Variants in ARHGAP39 observed in about 807,000 individuals in gnomAD.
ARHGAP39 encodes the protein rho GTPase-activating protein 39.
In ARHGAP39, 44 loss-of-function variants were observed where a neutral mutation model predicts 106.9. The ratio of observed to expected loss-of-function variants is 0.41; its 90% confidence interval spans 0.32 to 0.53. ARHGAP39 has a LOEUF of 0.53. Among genes scored for constraint, ARHGAP39 ranks in the 20% least tolerant of loss-of-function variants. ARHGAP39 has a pLI of 0.21. For missense variants in ARHGAP39, 1,496 were observed against 1,577.3 expected, an observed-to-expected ratio of 0.95 and a Z score of 0.87; for synonymous variants, 768 against 693.2, an observed-to-expected ratio of 1.11 and a Z score of -1.69.
chr8:144,534,008 T>A, intron 8 of ARHGAP39, 121 bp downstream of exon 8: 1 of 1,134,852 alleles, frequency 8.8e-7, no homozygotes. Context: ...CTAGGCGGGC[T>A]CCATGTGGCA....
chr8:144,636,476 T>C (rs576248067), intron 1 of ARHGAP39, among the ~76,000 whole-genome samples: 1 of 152,260 alleles, frequency 6.6e-6, no homozygotes, highest in Admixed American at 6.5e-5. Context: ...GCAGGAACCC[T>C]ACACACCAGG....
the ARHGAP39 span, among the ~76,000 whole-genome samples, chr8:144,693,001 C>T: frequency 4.0e-5 from 6 of 151,074 alleles, no homozygotes; most frequent in East Asian, 5.9e-4. Context: ...TCAGGTGATC[C>T]GCCTGCCTCA....
At chr8:144,545,935 G>A (rs747597402) in intron 5 of ARHGAP39, 125 bp from the exon 6 acceptor site, 1 of 788,932 alleles carries the variant, frequency 1.3e-6, no homozygotes, top group Non-Finnish European at 1.9e-6. Context: ...TGAGAGCCCT[G>A]CCCTGCTCAC....
rs924687247 is a variant in ARHGAP39, at chr8:144,644,102, A to G, written c.-81-38407T>C. Among the ~76,000 whole-genome samples, 8 of 152,166 alleles carry G rather than the reference A, an allele frequency of 5.3e-5. No homozygotes were observed. The highest frequency in any genetic ancestry group is 1.9e-4 in the African/African-American group (8 of 41,434). ...GACATGAAGTCACAAATGCACAGTG[A>G]GACCCGGACACGCACATTCCCGGCA... On this transcript the variant is annotated intron_variant, in intron 1 of 11. Coordinates refer to ENST00000377307, the MANE Select transcript of ARHGAP39 (RefSeq NM_025251.3). The surrounding 1 kb of genome is among the most constrained non-coding windows in gnomAD (Gnocchi z 4.8).
At position 144,567,662 on chromosome 8, in the gene ARHGAP39, T is replaced by C. The variant is rs1220832438; in HGVS notation, c.513-12019A>G. 3.3e-5 allele frequency among the ~76,000 whole-genome samples: 5 copies of C among 152,242 alleles called. No homozygotes were observed. The East Asian group carries it at 9.6e-4, about 29-fold the overall frequency. ...ACCTTCATGTTCCATCCTGTACACC[T>C]GGCTCTGCCTTCTAGATAGCAGTAG... On this transcript the variant is annotated intron_variant, in intron 3 of 11. Transcript: ENST00000377307.
chr8:144,554,862 C>T (rs879886252), intron 4 of ARHGAP39, among the ~76,000 whole-genome samples: 73 of 152,360 alleles, frequency 4.8e-4, no homozygotes, highest in African/African-American at 1.6e-3. Flanking sequence ...GTTCAATCGT[C>T]TGTGCAGAAC....
chr8:144,620,550 C>CGT (rs1387835523), intron 1 of ARHGAP39, among the ~76,000 whole-genome samples: 1 of 145,170 alleles, frequency 6.9e-6, no homozygotes, highest in African/African-American at 2.8e-5. Flanking sequence ...CATATATGCC[C>CGT]GTGTGCGTGA....
At chr8:144,533,014 G>C (rs1019306533) in intron 9 of ARHGAP39, 112 bp downstream of exon 9, 17 of 1,296,610 alleles carry the variant, frequency 1.3e-5, no homozygotes, top group Middle Eastern at 2.3e-4. Flanking sequence ...CTCAGGTATG[G>C]GTGCGGAAGC....
chr8:144,615,061 CT>C (rs1368536931), intron 1 of ARHGAP39, among the ~76,000 whole-genome samples: 3 of 152,268 alleles, frequency 2.0e-5, no homozygotes, highest in Admixed American at 1.3e-4. Flanking sequence ...AGGCTCACGC[CT>C]ATAATCCCAG....
At chr8:144,564,576 A>G (rs1243390642) in intron 3 of ARHGAP39, among the ~76,000 whole-genome samples, 2 of 152,232 alleles carry the variant, frequency 1.3e-5, no homozygotes, top group Admixed American at 6.5e-5. Context: ...GTTGTATTCC[A>G]TATGTTCAAA....
At chr8:144,558,513 G>A (rs112223167) in intron 3 of ARHGAP39, among the ~76,000 whole-genome samples, 14,089 of 151,814 alleles carry the variant, frequency 0.093, 1,542 homozygotes, top group African/African-American at 0.26. Context: ...GGCTAGTCTC[G>A]AACTCCTGAC....
At chr8:144,617,332 T>G (rs768598023) in intron 1 of ARHGAP39, among the ~76,000 whole-genome samples, 1 of 152,138 alleles carries the variant, frequency 6.6e-6, no homozygotes, top group Non-Finnish European at 1.5e-5. Flanking sequence ...TGTCACTGAC[T>G]TTGGCAGGCG....
At chr8:144,589,401 G>A (rs1232598659) in intron 2 of ARHGAP39, among the ~76,000 whole-genome samples, 3 of 152,196 alleles carry the variant, frequency 2.0e-5, no homozygotes, top group African/African-American at 7.2e-5. Context: ...GGGGCTCAGG[G>A]GACAGGAGCG....
intron 1 of ARHGAP39, among the ~76,000 whole-genome samples, chr8:144,676,065 G>A (rs1432958378): frequency 2.0e-5 from 3 of 152,182 alleles, no homozygotes; most frequent in Non-Finnish European, 4.4e-5. Context: ...TAAAGGCGGC[G>A]CGGACCCAAA....
At chr8:144,580,708 ACTC>A in intron 3 of ARHGAP39, 135 bp downstream of exon 3, 1 of 848,656 alleles carries the variant, frequency 1.2e-6, no homozygotes, top group Non-Finnish European at 1.5e-6. Flanking sequence ...TACCCGACCT[ACTC>A]CTAACCTGGC....
intron 3 of ARHGAP39, among the ~76,000 whole-genome samples, chr8:144,559,238 C>T (rs929662948): frequency 2.7e-5 from 4 of 150,708 alleles, no homozygotes; most frequent in Non-Finnish European, 5.9e-5. Context: ...AAAAACTAGC[C>T]GGAAGGGTGA....
chr8:144,593,492 C>T (rs893615718), intron 2 of ARHGAP39, among the ~76,000 whole-genome samples: 2 of 152,096 alleles, frequency 1.3e-5, no homozygotes, highest in Non-Finnish European at 2.9e-5. Flanking sequence ...ATAGACGGGG[C>T]GGCTCTGCAT....
In ARHGAP39 at chr8:144,547,796, C is replaced by A; in HGVS notation, c.1290G>T (p.Gln430His). The A allele has an allele frequency of 6.3e-7, 1 of 1,595,510 alleles. No homozygotes were observed. Among genetic ancestry groups the A allele is most frequent in the South Asian group, 1.1e-5 (1 of 89,332 alleles). The change falls in exon 5 of 12, where the codon CAG becomes CAT. Residue 430 changes from glutamine (Q) to histidine (H), a missense_variant. This residue lies in a region of ARHGAP39 where 905 missense variants were observed against 816.4 expected (regional missense o/e 1.11). Transcript: ENST00000377307. The surrounding 1 kb of genome is among the most constrained non-coding windows in gnomAD (Gnocchi z 5.2). ...GGTCCCTCAGCAGGCAGGGGCTGGG[C>A]TGCAAGGAGTACGAACCACCGCCGG... ...PNPGGGSYSLQPSPCLLRDQR... is the reference protein window; with the variant it reads ...PNPGGGSYSLHPSPCLLRDQR...
chr8:144,560,696 G>A (rs912727055), intron 3 of ARHGAP39, among the ~76,000 whole-genome samples: 27 of 152,178 alleles, frequency 1.8e-4, no homozygotes, highest in Admixed American at 1.2e-3. Context: ...CCAGCGGTGC[G>A]CGGGTTACTC....
Sources: allele counts gnomAD v4.1 joint callset (sites outside exome capture counted in the v4.1 genomes callset), GRCh38; gene constraint gnomAD v4.1.1; regional missense constraint gnomAD v4.1.1; non-coding constraint Gnocchi (gnomAD v3.1); transcripts MANE v1.5; gene names NCBI Gene and HGNC (gene_info 2026-07-23, HGNC 2026-07-21).